ZNF44: variants seen among roughly 807,000 people sequenced by gnomAD.
ZNF44 encodes the protein gonadotropin inducible transcription repressor-2.
A neutral mutation model predicts 11.7 loss-of-function variants in ZNF44; 9 were observed. The ratio of observed to expected loss-of-function variants is 0.77; its 90% CI spans 0.46 to 1.35. ZNF44 has a LOEUF of 1.35. ZNF44 is among the 40% of genes most tolerant of loss of function. ZNF44 has a pLI of 0.00. For synonymous variants in ZNF44, 224 were observed against 242.7 expected, an observed-to-expected ratio of 0.92 and a Z score of 0.72; for missense variants, 696 against 743.1, an observed-to-expected ratio of 0.94 and a Z score of 0.74.
chr19:12,231,161 C>T (rs959299192), intron 2 of ZNF44, among the ~76,000 whole-genome samples: 10 of 152,132 alleles, frequency 6.6e-5, no homozygotes, highest in African/African-American at 2.4e-4. Context: ...AAGGGCAGAA[C>T]TTCAGCTTTT....
intron 1 of ZNF44, among the ~76,000 whole-genome samples, chr19:12,279,359 T>TA (rs950866725): frequency 5.4e-4 from 82 of 151,628 alleles, no homozygotes; most frequent in African/African-American, 1.8e-3. Flanking sequence ...TGTCTCTATT[T>TA]AAAAAAAAGA....
downstream of ZNF44, chr19:12,247,534 C>G (rs758271554): frequency 5.9e-6 from 8 of 1,350,358 alleles, no homozygotes; most frequent in Admixed American, 2.0e-5. Context: ...TAAGGTTTCT[C>G]TCCAGTGTGG....
chr19:12,251,044 G>A (rs1283400826), intron 5 of ZNF44, among the ~76,000 whole-genome samples: 1 of 151,802 alleles, frequency 6.6e-6, no homozygotes, highest in Non-Finnish European at 1.5e-5. Context: ...TGGGCAACAT[G>A]GTGAAACCCT....
chr19:12,228,262 C>CCAAAAGTGTATTTTA (rs1317331928), intron 3 of ZNF44, among the ~76,000 whole-genome samples: 1 of 152,006 alleles, frequency 6.6e-6, no homozygotes, highest in Non-Finnish European at 1.5e-5. Flanking sequence ...AATCTTTTTA[C>CCAAAAGTGTATTTTA]CAAAAGTGTA....
At chr19:12,283,739 G>C (rs73004277) in intron 1 of ZNF44, among the ~76,000 whole-genome samples, 27,464 of 152,142 alleles carry the variant, frequency 0.18, 2,563 homozygotes, top group East Asian at 0.27. Flanking sequence ...GAAGAAGCAG[G>C]CATAGTGACT....
chr19:12,282,484 C>G (rs1202636440), intron 1 of ZNF44, among the ~76,000 whole-genome samples: 1 of 144,496 alleles, frequency 6.9e-6, no homozygotes, highest in Non-Finnish European at 1.5e-5. Context: ...TGCAATAGCA[C>G]GATCTCAGCT....
chr19:12,229,262 A>C (rs1916055503), intron 3 of ZNF44, among the ~76,000 whole-genome samples: 1 of 152,194 alleles, frequency 6.6e-6, no homozygotes, highest in African/African-American at 2.4e-5. Flanking sequence ...CTTTAAGAAC[A>C]GGGCTAGGAA....
downstream of ZNF44, chr19:12,247,575 G>T: frequency 7.5e-7 from 1 of 1,339,408 alleles, no homozygotes. Context: ...ACCTGCAAGA[G>T]TAATGTATGT....
chr19:12,226,971 C>G (rs1215946396), intron 3 of ZNF44, among the ~76,000 whole-genome samples: 5 of 152,060 alleles, frequency 3.3e-5, no homozygotes, highest in African/African-American at 9.7e-5. Flanking sequence ...GAAGCTGACA[C>G]AGGAGAATCG....
intron 5 of ZNF44, chr19:12,260,441 G>T: frequency 7.0e-7 from 1 of 1,419,722 alleles, no homozygotes; most frequent in Non-Finnish European, 9.8e-7. Context: ...GCCCCGACCT[G>T]CGCATGGCAG....
At chr19:12,235,816 T>C (rs2438547) in intron 1 of ZNF44, among the ~76,000 whole-genome samples, 37,333 of 151,946 alleles carry the variant, frequency 0.25, 7,188 homozygotes, top group African/African-American at 0.54. Flanking sequence ...CAACTGTGAG[T>C]ATCCTGGGTC....
At chr19:12,225,970 A>G (rs55933123), downstream of ZNF44, among the ~76,000 whole-genome samples, 972 of 152,374 alleles carry the variant, frequency 6.4e-3, 3 homozygotes, top group Middle Eastern at 0.014. Context: ...AAAAATTAGA[A>G]TTTAATTTAA....
intron 2 of ZNF44, among the ~76,000 whole-genome samples, chr19:12,231,875 C>A (rs1043677004): frequency 6.6e-5 from 10 of 152,112 alleles, no homozygotes; most frequent in African/African-American, 9.7e-5. Flanking sequence ...GGGTGTTTCT[C>A]GTTAGGTGGA....
chr19:12,240,069 G>C (rs920670194), upstream of ZNF44, among the ~76,000 whole-genome samples: 1 of 152,162 alleles, frequency 6.6e-6, no homozygotes, highest in Admixed American at 6.5e-5. Context: ...TTCATGGATT[G>C]TAAGACTTCC....
chr19:12,260,175 G>C, intron 5 of ZNF44: 1 of 768,572 alleles, frequency 1.3e-6, no homozygotes, highest in African/African-American at 1.7e-5. Flanking sequence ...TCCAGTTTCT[G>C]ATCAAGAGGA....
At chr19:12,288,516 G>A (rs757759019) in intron 1 of ZNF44, among the ~76,000 whole-genome samples, 18 of 151,852 alleles carry the variant, frequency 1.2e-4, no homozygotes, top group Non-Finnish European at 2.1e-4. Context: ...GGCTGAGGTA[G>A]GCAAATAATG....
At chr19:12,249,521 A>AG (rs1916907106) in intron 7 of ZNF44, among the ~76,000 whole-genome samples, 3 of 151,514 alleles carry the variant, frequency 2.0e-5, no homozygotes, top group African/African-American at 7.3e-5. Flanking sequence ...AAAAAAAAAA[A>AG]AAAAGAAAAG....
intron 3 of ZNF44, among the ~76,000 whole-genome samples, chr19:12,274,266 C>CTTTTTTTTT (rs869093549): frequency 3.3e-5 from 3 of 90,220 alleles, no homozygotes; most frequent in East Asian, 3.7e-4. Flanking sequence ...ATTCTTAATT[C>CTTTTTTTTT]TTTTTTTTTT....
intron 1 of ZNF44, among the ~76,000 whole-genome samples, chr19:12,289,344 A>G (rs1184437825): frequency 2.6e-5 from 4 of 151,910 alleles, no homozygotes; most frequent in Admixed American, 6.6e-5. Context: ...AAGAAAGGAA[A>G]CTATTTAAGT....
Sources: gnomAD v4.1 joint callset for allele counts (sites outside exome capture counted in the v4.1 genomes callset) on GRCh38, gnomAD v4.1.1 for gene constraint, MANE v1.5 for transcripts, NCBI Gene and HGNC (gene_info 2026-07-23, HGNC 2026-07-21) for gene names.